The following STOX2 variants were observed in gnomAD, a reference collection of about 807,000 sequenced individuals.
STOX2 encodes storkhead-box protein 2.
In STOX2, 28 loss-of-function variants were observed where a neutral mutation model predicts 60.9. The ratio of observed to expected loss-of-function variants is 0.46; its 90% confidence interval spans 0.34 to 0.63. STOX2 has a LOEUF of 0.63. Among genes scored for constraint, STOX2 ranks in the 30% least tolerant of loss-of-function variants. STOX2 has a pLI of 0.01. For synonymous variants in STOX2, 472 were observed against 463.9 expected (o/e 1.02, Z -0.22); for missense variants, 1,024 against 1,187.7 (o/e 0.86, Z 2.03).
At position 184,007,029 on chromosome 4, in the gene STOX2, A is replaced by AAAC. The variant is rs1435358316; in HGVS notation, c.320-2127_320-2126insCAA. Among the ~76,000 whole-genome samples the AAAC allele has an allele frequency of 3.1e-4, 23 of 73,242 alleles. 1 individual carries two copies. Among genetic ancestry groups the AAAC allele is most frequent in the African/African-American group, 9.5e-4 (23 of 24,248 alleles). 48.0% of individuals were successfully genotyped at this position (73,242 alleles called of 152,430 possible). On this transcript the variant is annotated intron_variant, in intron 2 of 3. Coordinates refer to ENST00000308497, the MANE Select transcript of STOX2 (RefSeq NM_020225.3). ...AGACTCTGTCTCAAAAAAAAAAAAAAAAACAAAACAAAAAAAAAATTTTGT... is the reference window on the plus strand; with the variant it reads ...AGACTCTGTCTCAAAAAAAAAAAAAAAACAAACAAAACAAAAAAAAAATTTTGT...
At chr4:183,843,105 G>A (rs573345996) in intron 1 of STOX2, among the ~76,000 whole-genome samples, 7 of 142,378 alleles carry the variant, frequency 4.9e-5, no homozygotes, top group Non-Finnish European at 1.0e-4. Context: ...CCAAGATCGC[G>A]CCACCGTACT....
intron 1 of STOX2, among the ~76,000 whole-genome samples, chr4:183,986,162 G>C (rs1732834496): frequency 6.6e-6 from 1 of 152,106 alleles, no homozygotes; most frequent in African/African-American, 2.4e-5. Context: ...TTGAAGAAAA[G>C]GGATGAGAAT....
chr4:183,855,884 G>A (rs765295430), intron 1 of STOX2, among the ~76,000 whole-genome samples: 3 of 152,192 alleles, frequency 2.0e-5, no homozygotes, highest in Non-Finnish European at 4.4e-5. Context: ...GTGACATTTG[G>A]CATTTTAGCT....
chr4:183,940,764 A>G (rs1343123355), intron 1 of STOX2, among the ~76,000 whole-genome samples: 1 of 152,182 alleles, frequency 6.6e-6, no homozygotes, highest in African/African-American at 2.4e-5. Context: ...TCCTGGTCCT[A>G]ATTGTACTAA....
In STOX2 at chr4:184,019,236, A is replaced by G. The variant is rs1734487509; in HGVS notation, c.*1952A>G. 1 of 152,232 alleles carries G rather than the reference A, an allele frequency of 6.6e-6. No individual in the cohort carries two copies. The highest frequency in any genetic ancestry group is 6.5e-5 in the Admixed American group (1 of 15,282). 9.4% of individuals were successfully genotyped at this position (152,232 alleles called of 1,614,324 possible). A position where few individuals can be genotyped will look rare whatever the true frequency, so the allele number is the denominator to read the frequency against. The stretch of plus-strand genomic sequence containing the variant: ...CCCATACCATTGAAATGCTTAAGCC[A>G]GTTGGCTTTCAGTCTCATGCCTTAT... On this transcript the variant is annotated 3_prime_UTR_variant, in exon 4 of 4. Transcript: ENST00000308497.
Position 183,825,745 on chromosome 4 carries a change from G to C in STOX2, c.364+27690G>C, listed in dbSNP as rs1165308307. On this transcript the variant is annotated intron_variant, in intron 1 of 2. Transcript: ENST00000513034. This position sits in a 1 kb window ranked among gnomAD's most constrained non-coding sequence, Gnocchi z 4.1. ...AGTCAGGGTCAGCGAGGTGGCTGGG[G>C]CTGGACTTTGCCGGGGAGGGGTTCA... 6.6e-6 allele frequency among the ~76,000 whole-genome samples: 1 copy of C among 152,160 alleles called. No homozygotes were observed. The highest frequency in any genetic ancestry group is 2.4e-5 in the African/African-American group (1 of 41,440).
At chr4:183,890,444 C>CT (rs1741180062) in intron 1 of STOX2, among the ~76,000 whole-genome samples, 1 of 140,804 alleles carries the variant, frequency 7.1e-6, no homozygotes, top group South Asian at 2.4e-4. Context: ...GGTTGCGTCA[C>CT]TGCACTCCAG....
intron 1 of STOX2, among the ~76,000 whole-genome samples, chr4:183,823,226 T>C (rs1739342797): frequency 6.6e-6 from 1 of 152,070 alleles, no homozygotes; most frequent in South Asian, 2.1e-4. Flanking sequence ...TGAAACCCCA[T>C]CTCTCCTAAA....
Position 183,825,047 on chromosome 4 carries a change from G to A in STOX2, c.364+26992G>A, listed in dbSNP as rs60299478. Among the ~76,000 whole-genome samples the A allele has an allele frequency of 4.0e-4, 61 of 152,260 alleles. No homozygotes were observed. Among genetic ancestry groups the A allele is most frequent in the Non-Finnish European group, 8.4e-4 (57 of 68,024 alleles). ...TCACACAATCTTGGGCTTGGGGATC[G>A]GGGAGGAACATGGTGGATAATCCCT... On this transcript the variant is annotated intron_variant, in intron 1 of 2. Transcript: ENST00000513034. This position sits in a 1 kb window ranked among gnomAD's most constrained non-coding sequence, Gnocchi z 4.1.
rs759425665 is a variant in STOX2, at chr4:184,001,526, C to T, written c.319+49C>T. On this transcript the variant is annotated intron_variant, in intron 2 of 3. Coordinates refer to ENST00000308497, the MANE Select transcript of STOX2 (RefSeq NM_020225.3). The surrounding 1 kb of genome is among the most constrained non-coding windows in gnomAD (Gnocchi z 4.2). ...TTTCCAGGTGGCGGTGTGCTGTGGT[C>T]GCTCTAGGACTCACGTGGACTGTTC... is the stretch of plus-strand genomic sequence containing the variant. 2.6e-5 allele frequency: 41 copies of T among 1,587,264 alleles called. No homozygotes were observed. In the South Asian group the frequency reaches 3.1e-4, roughly 12 times the overall value.
chr4:183,811,334 T>C (rs563731999), intron 1 of STOX2, among the ~76,000 whole-genome samples: 2 of 152,298 alleles, frequency 1.3e-5, no homozygotes, highest in African/African-American at 4.8e-5. Context: ...AGGTGAGAAA[T>C]GTGGGCATTG....
At chr4:184,008,678 G>A (rs1228390677) in intron 2 of STOX2, among the ~76,000 whole-genome samples, 1 of 152,120 alleles carries the variant, frequency 6.6e-6, no homozygotes, top group Non-Finnish European at 1.5e-5. Flanking sequence ...CTTTAACAAT[G>A]AGCACACACA....
At position 183,983,075 on chromosome 4, in the gene STOX2, A is replaced by C. The variant is rs567748945; in HGVS notation, c.167-18250A>C. Among the ~76,000 whole-genome samples, 32 of 152,210 alleles carry C rather than the reference A, an allele frequency of 2.1e-4. No homozygotes were observed. In the South Asian group the frequency reaches 4.8e-3, roughly 23 times the overall value. On this transcript the variant is annotated intron_variant, in intron 1 of 3. Coordinates refer to ENST00000308497, the MANE Select transcript of STOX2 (RefSeq NM_020225.3). ...CCTCCAACCCAGCCATGCTGAATCTACCACCAGCCATTCTCCAAAACATCT... is the reference window on the plus strand; with the variant it reads ...CCTCCAACCCAGCCATGCTGAATCTCCCACCAGCCATTCTCCAAAACATCT...
intron 1 of STOX2, among the ~76,000 whole-genome samples, chr4:183,870,943 C>A (rs1452904124): frequency 6.6e-6 from 1 of 152,202 alleles, no homozygotes; most frequent in African/African-American, 2.4e-5. Context: ...TTATATGATT[C>A]TATCCTGAAA....
At chr4:183,939,102 A>C (rs1742678081) in intron 1 of STOX2, among the ~76,000 whole-genome samples, 1 of 152,226 alleles carries the variant, frequency 6.6e-6, no homozygotes, top group Non-Finnish European at 1.5e-5. Flanking sequence ...TGGATGTTTA[A>C]GTGATTTGTA....
chr4:184,008,048 C>G (rs1733952466), intron 2 of STOX2, among the ~76,000 whole-genome samples: 1 of 152,216 alleles, frequency 6.6e-6, no homozygotes, highest in South Asian at 2.1e-4. Context: ...GCCTTTTAGT[C>G]TCCACCTTAC....
At chr4:183,892,235 C>A (rs1399277321) in intron 1 of STOX2, among the ~76,000 whole-genome samples, 1 of 152,222 alleles carries the variant, frequency 6.6e-6, no homozygotes, top group African/African-American at 2.4e-5. Flanking sequence ...CCTCGGGAAA[C>A]CCTGAGGCTG....
chr4:183,955,680 A>G (rs1276103213), intron 1 of STOX2, among the ~76,000 whole-genome samples: 1 of 151,876 alleles, frequency 6.6e-6, no homozygotes, highest in African/African-American at 2.4e-5. Flanking sequence ...CCACATCTCT[A>G]GTAGCTTCCT....
chr4:183,890,132 G>A (rs1181902279), intron 1 of STOX2, among the ~76,000 whole-genome samples: 1 of 152,122 alleles, frequency 6.6e-6, no homozygotes, highest in Non-Finnish European at 1.5e-5. Flanking sequence ...CAGACCCGAG[G>A]GAACTGGCCA....
Sources: allele counts gnomAD v4.1 joint callset (sites outside exome capture counted in the v4.1 genomes callset), GRCh38; gene constraint gnomAD v4.1.1; non-coding constraint Gnocchi (gnomAD v3.1); transcripts MANE v1.5; gene names NCBI Gene and HGNC (gene_info 2026-07-23, HGNC 2026-07-21).